Variants in ANKH observed in about 807,000 individuals in gnomAD.
ANKH encodes mineralization regulator ANKH.
A neutral mutation model predicts 49.0 loss-of-function variants in ANKH; 15 were observed. That is an observed-to-expected ratio of 0.31 (90% CI 0.20 to 0.47). ANKH has a LOEUF of 0.47. Among genes scored for constraint, ANKH ranks in the 20% least tolerant of loss-of-function variants. The pLI, the probability that ANKH is intolerant of heterozygous loss-of-function variation, is 1.00. For synonymous variants in ANKH, 273 were observed against 260.0 expected, an observed-to-expected ratio of 1.05 and a Z score of -0.48; for missense variants, 429 against 652.0, an observed-to-expected ratio of 0.66 and a Z score of 3.72.
chr5:14,848,607 T>A (rs1742036336), intron 1 of ANKH, among the ~76,000 whole-genome samples: 1 of 152,182 alleles, frequency 6.6e-6, no homozygotes, highest in Admixed American at 6.5e-5. Context: ...GCGCCTCTGA[T>A]CCAGCTAGGC....
rs1737112814 is a variant in ANKH at position 14,710,201 on chromosome 5, A to G, written c.*996T>C. On this transcript the variant is annotated 3_prime_UTR_variant, in exon 12 of 12. Transcript: ENST00000284268. ...ACTAAGGATAGCAGAACCAGGTAAT[A>G]TATCTACTTCAAAAGTTACCCTACA... 2 of 152,162 alleles carry G rather than the reference A, an allele frequency of 1.3e-5. No individual in the cohort carries two copies. Among genetic ancestry groups the G allele is most frequent in the South Asian group, 4.1e-4 (2 of 4,830 alleles). 9.4% of individuals were successfully genotyped at this position (152,162 alleles called of 1,614,324 possible). A position where few individuals can be genotyped will look rare whatever the true frequency, so the allele number is the denominator to read the frequency against.
chr5:14,823,594 T>G (rs1174986385), intron 1 of ANKH, among the ~76,000 whole-genome samples: 1 of 152,208 alleles, frequency 6.6e-6, no homozygotes, highest in Non-Finnish European at 1.5e-5. Flanking sequence ...GACTTTCAAG[T>G]TCACAGCCTC....
intron 7 of ANKH, among the ~76,000 whole-genome samples, chr5:14,743,802 C>A (rs1712094186): frequency 6.6e-6 from 1 of 152,168 alleles, no homozygotes; most frequent in Admixed American, 6.5e-5. Flanking sequence ...GAGAGGTATG[C>A]TCGTTAAAGG....
intron 1 of ANKH, among the ~76,000 whole-genome samples, chr5:14,811,164 AAC>A (rs890958907): frequency 2.0e-5 from 3 of 152,210 alleles, no homozygotes; most frequent in Admixed American, 1.3e-4. Context: ...CTGGTAACAA[AAC>A]AGTCACTCGG....
At chr5:14,822,303 T>TA (rs1741218071) in intron 1 of ANKH, among the ~76,000 whole-genome samples, 1 of 152,252 alleles carries the variant, frequency 6.6e-6, no homozygotes, top group African/African-American at 2.4e-5. Context: ...AATATAGCAC[T>TA]AAAAATTTCA....
chr5:14,853,656 G>T (rs183286356), intron 1 of ANKH, among the ~76,000 whole-genome samples: 1 of 137,064 alleles, frequency 7.3e-6, no homozygotes, highest in Admixed American at 7.2e-5. Context: ...AAGATGTGTG[G>T]GTTTTTTTTG....
At chr5:14,827,816 T>C (rs1181508862) in intron 1 of ANKH, among the ~76,000 whole-genome samples, 1 of 152,230 alleles carries the variant, frequency 6.6e-6, no homozygotes, top group East Asian at 1.9e-4. Flanking sequence ...ATTGTATCAA[T>C]GTTCTCTTTC....
chr5:14,768,794 A>G, intron 2 of ANKH, 181 bp downstream of exon 2: 1 of 679,322 alleles, frequency 1.5e-6, no homozygotes, highest in Non-Finnish European at 2.5e-6. Context: ...CTCCCCAGAA[A>G]AAACACATTA....
intron 1 of ANKH, among the ~76,000 whole-genome samples, chr5:14,809,915 G>A (rs373132859): frequency 2.0e-5 from 3 of 151,992 alleles, no homozygotes; most frequent in African/African-American, 7.3e-5. Flanking sequence ...CTGAAACCCA[G>A]ATTTTGCTCA....
intron 8 of ANKH, among the ~76,000 whole-genome samples, chr5:14,734,720 T>C (rs1738115739): frequency 2.0e-5 from 3 of 152,246 alleles, no homozygotes; most frequent in Non-Finnish European, 4.4e-5. Flanking sequence ...GTGTCTTCCC[T>C]GTTGCTTTCA....
intron 1 of ANKH, among the ~76,000 whole-genome samples, chr5:14,829,339 T>C (rs950855825): frequency 6.6e-6 from 1 of 152,190 alleles, no homozygotes; most frequent in Admixed American, 6.5e-5. Flanking sequence ...TACAGATGCC[T>C]GAAGTCCCCC....
chr5:14,780,117 C>T (rs1017490671), intron 1 of ANKH, among the ~76,000 whole-genome samples: 5 of 150,920 alleles, frequency 3.3e-5, no homozygotes, highest in South Asian at 2.1e-4. Context: ...CAGAGAACCA[C>T]GTTTCACTGT....
chr5:14,867,054 G>C (rs1735665938), intron 1 of ANKH, among the ~76,000 whole-genome samples: 1 of 151,050 alleles, frequency 6.6e-6, no homozygotes, highest in Non-Finnish European at 1.5e-5. Context: ...CTACTCGGGG[G>C]ACTGAGGCAG....
intron 1 of ANKH, chr5:14,869,960 T>G (rs958553024): frequency 6.6e-6 from 1 of 152,160 alleles, no homozygotes; most frequent in African/African-American, 2.4e-5. Context: ...AATTCGTGTC[T>G]AAAAGCTTTT....
At chr5:14,732,377 G>T (rs1580013513) in intron 8 of ANKH, among the ~76,000 whole-genome samples, 1 of 152,028 alleles carries the variant, frequency 6.6e-6, no homozygotes, top group South Asian at 2.1e-4. Flanking sequence ...GTCTACTGAA[G>T]GTGTGTGTAA....
rs370889057 is a variant in ANKH, at chr5:14,729,521, TGAG to T, written c.1011+12303_1011+12305del. 5.2e-3 allele frequency among the ~76,000 whole-genome samples: 779 copies of T among 151,068 alleles called. 5 individuals carry two copies. Among genetic ancestry groups the T allele is most frequent in the African/African-American group, 0.017 (717 of 41,086 alleles). ...AAAAAAGTCTTCTAATTGAGGAAAT[TGAG>T]GACGCGAGAGGCAGTGCCAGACAGG... On this transcript the variant is annotated intron_variant, in intron 8 of 11. Transcript: ENST00000284268.
chr5:14,815,926 G>A (rs1414531551), intron 1 of ANKH, among the ~76,000 whole-genome samples: 2 of 152,152 alleles, frequency 1.3e-5, no homozygotes, highest in African/African-American at 2.4e-5. Flanking sequence ...AGGTGGGCAG[G>A]TTATTGTTGT....
chr5:14,794,541 A>G (rs1234815363), intron 1 of ANKH, among the ~76,000 whole-genome samples: 1 of 152,262 alleles, frequency 6.6e-6, no homozygotes, highest in Non-Finnish European at 1.5e-5. Context: ...CCTTTTGCTT[A>G]CTGTTGGATC....
intron 8 of ANKH, among the ~76,000 whole-genome samples, chr5:14,723,903 G>A (rs1309225236): frequency 6.6e-6 from 1 of 152,134 alleles, no homozygotes; most frequent in East Asian, 1.9e-4. Context: ...AACCACCACT[G>A]GGCTGCAGCT....
Sources: allele counts gnomAD v4.1 joint callset (sites outside exome capture counted in the v4.1 genomes callset), GRCh38; gene constraint gnomAD v4.1.1; transcripts MANE v1.5; gene names NCBI Gene and HGNC (gene_info 2026-07-23, HGNC 2026-07-21).